Variants in RP1 observed in about 807,000 individuals in gnomAD.
The protein encoded by RP1 is oxygen-regulated protein 1.
Under a neutral mutation model 14.8 loss-of-function variants are expected in RP1, and 16 were observed. The ratio of observed to expected loss-of-function variants is 1.08; its 90% CI spans 0.73 to 1.65. RP1 has a LOEUF of 1.65. RP1 is among the 40% of genes most tolerant of loss of function. The pLI is 0.00. For synonymous variants in RP1, 876 were observed against 883.6 expected (o/e 0.99, Z 0.15); for missense variants, 2,631 against 2,535.0 (o/e 1.04, Z -0.81).
chr8:54,865,817 C>T (rs1185883602), intron 27 of RP1: 26 of 1,068,898 alleles, frequency 2.4e-5, no homozygotes, highest in Non-Finnish European at 3.1e-5. Flanking sequence ...AATAAATCTC[C>T]TTTGTCAACT....
At chr8:54,603,878 A>T (rs942248916) in intron 1 of RP1, among the ~76,000 whole-genome samples, 3 of 152,296 alleles carry the variant, frequency 2.0e-5, no homozygotes, top group East Asian at 1.9e-4. Flanking sequence ...TGATTTTTGT[A>T]CACTGATTTT....
At chr8:54,755,471 A>G in intron 20 of RP1, 3 of 766,732 alleles carry the variant, frequency 3.9e-6, no homozygotes, top group Middle Eastern at 3.7e-4. Flanking sequence ...AAGTCTCTCA[A>G]TAGACACAGA....
intron 23 of RP1, among the ~76,000 whole-genome samples, chr8:54,779,982 T>G (rs777665990): frequency 4.8e-5 from 7 of 146,212 alleles, no homozygotes; most frequent in Non-Finnish European, 9.0e-5. Flanking sequence ...TACCTTTCAG[T>G]GGGTTAACAT....
chr8:54,701,468 T>C (rs1387768703), intron 13 of RP1: 2 of 1,493,776 alleles, frequency 1.3e-6, no homozygotes, highest in African/African-American at 1.4e-5. Context: ...TAGAGGGTTT[T>C]TTTGTTTTTC....
chr8:54,786,963 T>C (rs1360046335), intron 24 of RP1, among the ~76,000 whole-genome samples: 1 of 152,110 alleles, frequency 6.6e-6, no homozygotes, highest in Non-Finnish European at 1.5e-5. Flanking sequence ...AAAATTTCCT[T>C]TTATATAACT....
rs962056056 is a variant in RP1, at chr8:54,573,901, A to G, written c.-13+14581A>G. Among the ~76,000 whole-genome samples the G allele has an allele frequency of 3.3e-5, 5 of 152,196 alleles. No homozygotes were observed. The East Asian group carries it at 7.7e-4, about 23-fold the overall frequency. ...CCAGTTAGGAAACATTTAATACTAA[A>G]CTCAGGAATCAAGAGGGGAGCAGGG... On this transcript the variant is annotated intron_variant, in intron 1 of 22. Transcript: ENST00000636932.
At chr8:54,652,842 C>G (rs1563338533) in exon 5 of RP1, 2 of 1,535,716 alleles carry the variant, frequency 1.3e-6, no homozygotes, top group Non-Finnish European at 1.7e-6. Flanking sequence ...ACTCTGGATC[C>G]TCCCCTTCCT....
rs1806217423 is a variant in RP1, at chr8:54,630,266, T to C, written c.6384T>C (p.Phe2128=). The change falls in exon 4 of 4, where the codon TTT becomes TTC. Residue 2128 remains phenylalanine (F), a synonymous_variant. Transcript: ENST00000220676. ...GAAATATTTTAGAACTTTGTATGTTTGAGGGTGAAAATCTTTTCATTTGGG... is the reference window on the plus strand; with the variant it reads ...GAAATATTTTAGAACTTTGTATGTTCGAGGGTGAAAATCTTTTCATTTGGG... The part of the protein sequence containing the change: ...SNRNILELCM[F]EGENLFIWEE... 6.2e-7 allele frequency: 1 copy of C among 1,613,600 alleles called. No individual in the cohort carries two copies. Among genetic ancestry groups the C allele is most frequent in the South Asian group, 1.1e-5 (1 of 91,078 alleles).
At chr8:54,819,557 GT>G (rs1335710862) in intron 24 of RP1, among the ~76,000 whole-genome samples, 1 of 152,028 alleles carries the variant, frequency 6.6e-6, no homozygotes, top group Non-Finnish European at 1.5e-5. Flanking sequence ...GAATAATTAG[GT>G]ATTCATTCTA....
At chr8:54,804,234 AT>A (rs1810792387) in intron 24 of RP1, among the ~76,000 whole-genome samples, 1 of 152,072 alleles carries the variant, frequency 6.6e-6, no homozygotes, top group Non-Finnish European at 1.5e-5. Context: ...ACATATAAAC[AT>A]TTTATATAAT....
chr8:54,725,150 G>GT, intron 16 of RP1, among the ~76,000 whole-genome samples: 1 of 152,272 alleles, frequency 6.6e-6, no homozygotes, highest in South Asian at 2.1e-4. Flanking sequence ...CTGGAAGATA[G>GT]TTTATCTCTT....
intron 24 of RP1, among the ~76,000 whole-genome samples, chr8:54,793,597 T>C (rs1000541740): frequency 7.2e-5 from 11 of 151,950 alleles, no homozygotes; most frequent in Admixed American, 6.6e-4. Flanking sequence ...TCTCAACAGA[T>C]ACAGAAAAAG....
At chr8:54,731,472 A>G (rs1463172233) in intron 17 of RP1, among the ~76,000 whole-genome samples, 1 of 152,178 alleles carries the variant, frequency 6.6e-6, no homozygotes, top group Non-Finnish European at 1.5e-5. Context: ...AGTTCTCAGC[A>G]GAAATTTATA....
intron 27 of RP1, among the ~76,000 whole-genome samples, chr8:54,860,279 A>G (rs1812314737): frequency 6.6e-6 from 1 of 152,154 alleles, no homozygotes; most frequent in Non-Finnish European, 1.5e-5. Flanking sequence ...TTTTTAAGGA[A>G]ATACTCATTA....
chr8:54,828,588 G>C (rs1473432683), intron 24 of RP1, among the ~76,000 whole-genome samples: 1 of 152,092 alleles, frequency 6.6e-6, no homozygotes, highest in Non-Finnish European at 1.5e-5. Context: ...TGCAGAACAG[G>C]AGCCAAATAA....
chr8:54,587,374 C>G (rs1197705793), intron 1 of RP1, among the ~76,000 whole-genome samples: 2 of 148,648 alleles, frequency 1.3e-5, no homozygotes, highest in Non-Finnish European at 3.0e-5. Context: ...TGTAGTGAGC[C>G]GAGATTGTGT....
rs551358967 is a variant in RP1, at chr8:54,687,556, C to A, written c.1717+7623C>A. ...ACTCCCACTTATGAGTGAAAACATG[C>A]GGTGTTTGGTTTTCTCTTCTTGTGT... is the stretch of plus-strand genomic sequence containing the variant. On this transcript the variant is annotated intron_variant, in intron 12 of 22. Coordinates refer to the RP1 transcript ENST00000636932. Among the ~76,000 whole-genome samples the A allele has an allele frequency of 9.2e-5, 14 of 152,114 alleles. No homozygotes were observed. In the South Asian group the frequency reaches 1.2e-3, roughly 14 times the overall value.
intron 9 of RP1, among the ~76,000 whole-genome samples, chr8:54,678,999 C>CA (rs1554523449): frequency 1.3e-5 from 2 of 149,098 alleles, no homozygotes; most frequent in Non-Finnish European, 3.0e-5. Flanking sequence ...GATAGATTTG[C>CA]TTTTTTTTTT....
chr8:54,757,017 TTTAAG>T (rs1809524744), intron 21 of RP1, among the ~76,000 whole-genome samples: 1 of 152,160 alleles, frequency 6.6e-6, no homozygotes, highest in Admixed American at 6.5e-5. Context: ...GGTATCTGCT[TTTAAG>T]TTTAGAATCA....
Sources: gnomAD v4.1 joint callset for allele counts (sites outside exome capture counted in the v4.1 genomes callset) on GRCh38, gnomAD v4.1.1 for gene constraint, MANE v1.5 for transcripts, NCBI Gene and HGNC (gene_info 2026-07-23, HGNC 2026-07-21) for gene names.